TENM1: variants seen among roughly 807,000 people sequenced by gnomAD.
TENM1 encodes the protein teneurin transmembrane protein 1.
A neutral mutation model predicts 174.8 loss-of-function variants in TENM1; 35 were observed. That is an observed-to-expected ratio of 0.20 (90% CI 0.15 to 0.27). The LOEUF is 0.27. TENM1 is among the 10% of genes least tolerant of loss of function. TENM1 has a pLI of 1.00. For synonymous variants in TENM1, 781 were observed against 798.7 expected, an observed-to-expected ratio of 0.98 and a Z score of 0.37; for missense variants, 1,633 against 2,130.1, an observed-to-expected ratio of 0.77 and a Z score of 4.59.
chrX:125,081,830 G>GT, the TENM1 span, among the ~76,000 whole-genome samples: 6 of 111,154 alleles, frequency 5.4e-5, no homozygotes, highest in African/African-American at 2.0e-4. Context: ...ATGGAATCTT[G>GT]TTTTTTGCAG....
chrX:124,829,801 T>C (rs1176656839), intron 3 of TENM1, among the ~76,000 whole-genome samples: 1 of 112,411 alleles, frequency 8.9e-6, no homozygotes, highest in East Asian at 2.8e-4. Context: ...CTTAGGCTCT[T>C]AGTTGTATGT....
chrX:124,471,344 A>C lies in TENM1; in HGVS notation c.3949+10388T>G, dbSNP rs1399605262. On this transcript the variant is annotated intron_variant, in intron 22 of 31. Coordinates refer to ENST00000422452, the Ensembl canonical transcript of TENM1. ...ATTATAATATATAGTACTATATATA[A>C]TATATATTATAATATATAGTACTAT... 2.2e-4 allele frequency among the ~76,000 whole-genome samples: 2 copies of C among 9,168 alleles called. 1 individual carries two copies. Among genetic ancestry groups the C allele is most frequent in the Non-Finnish European group, 3.9e-4 (2 of 5,092 alleles). 8.0% of individuals were successfully genotyped at this position (9,168 alleles called of 115,157 possible).
chrX:124,940,053 A>G (rs966726877), intron 1 of TENM1, among the ~76,000 whole-genome samples: 1 of 112,246 alleles, frequency 8.9e-6, no homozygotes, highest in African/African-American at 3.2e-5. Flanking sequence ...AAACATTGTC[A>G]GAACACAAAA....
At chrX:124,809,847 AG>A (rs2055713470) in intron 3 of TENM1, among the ~76,000 whole-genome samples, 1 of 95,231 alleles carries the variant, frequency 1.1e-5, no homozygotes, top group African/African-American at 4.4e-5. Flanking sequence ...ACAGCAGGAG[AG>A]AGAGAGAGAG....
intron 3 of TENM1, among the ~76,000 whole-genome samples, chrX:124,810,171 C>T (rs781748905): frequency 1.8e-5 from 2 of 111,648 alleles, no homozygotes; most frequent in East Asian, 5.6e-4. Flanking sequence ...GGGATGCCCA[C>T]TCTCATCTCT....
chrX:125,178,700 T>G, the TENM1 span, among the ~76,000 whole-genome samples: 1 of 111,579 alleles, frequency 9.0e-6, no homozygotes, highest in Non-Finnish European at 1.9e-5. Context: ...AAGGGGAATT[T>G]TAAAATAAAC....
the TENM1 span, among the ~76,000 whole-genome samples, chrX:125,035,768 T>C: frequency 9.0e-6 from 1 of 111,463 alleles, no homozygotes; most frequent in South Asian, 3.7e-4. Context: ...TTTTCAGTTA[T>C]ACTTTACTGC....
intron 22 of TENM1, among the ~76,000 whole-genome samples, chrX:124,472,766 C>G (rs1426717903): frequency 9.0e-6 from 1 of 111,050 alleles, no homozygotes; most frequent in African/African-American, 3.3e-5. Context: ...GAAGTCAACA[C>G]ACTGTAGACT....
chrX:125,193,153 T>C, the TENM1 span, among the ~76,000 whole-genome samples: 1 of 111,119 alleles, frequency 9.0e-6, no homozygotes, highest in Non-Finnish European at 1.9e-5. Context: ...AGGCTCCTCT[T>C]ATTTCACTAA....
At chrX:125,008,165 T>TA in the TENM1 span, among the ~76,000 whole-genome samples, 2 of 109,185 alleles carry the variant, frequency 1.8e-5, no homozygotes, top group African/African-American at 6.7e-5. Context: ...CATATAGGCT[T>TA]AAAATAAAGG....
At chrX:124,802,074 A>AG (rs1299902302) in intron 3 of TENM1, among the ~76,000 whole-genome samples, 45 of 110,786 alleles carry the variant, frequency 4.1e-4, no homozygotes, top group Admixed American at 7.6e-4. Flanking sequence ...AGCTCAGTGG[A>AG]GTTTGTTATT....
At chrX:124,729,949 TC>T (rs2053527447) in intron 4 of TENM1, among the ~76,000 whole-genome samples, 1 of 110,197 alleles carries the variant, frequency 9.1e-6, no homozygotes, top group Non-Finnish European at 1.9e-5. Context: ...CTCTGAACCA[TC>T]CCCACTCCCC....
chrX:124,702,425 A>G (rs187165189), intron 5 of TENM1, among the ~76,000 whole-genome samples: 8 of 112,020 alleles, frequency 7.1e-5, no homozygotes, highest in African/African-American at 2.6e-4. Flanking sequence ...AACCCACTCA[A>G]GTTACTGTGC....
intron 3 of TENM1, among the ~76,000 whole-genome samples, chrX:124,856,310 T>C (rs781282677): frequency 9.0e-6 from 1 of 110,806 alleles, no homozygotes; most frequent in Non-Finnish European, 1.9e-5. Flanking sequence ...TCCTTTAAAA[T>C]ACAGAGGGAA....
the TENM1 span, among the ~76,000 whole-genome samples, chrX:125,199,808 C>T: frequency 9.0e-6 from 1 of 111,483 alleles, no homozygotes; most frequent in Non-Finnish European, 1.9e-5. Context: ...AATTTCTATA[C>T]AGAAATGTTA....
intron 1 of TENM1, among the ~76,000 whole-genome samples, chrX:124,920,363 T>C (rs2058000673): frequency 9.0e-6 from 1 of 111,267 alleles, no homozygotes; most frequent in Non-Finnish European, 1.9e-5. Flanking sequence ...TACTTAACTT[T>C]TTTTCATATT....
upstream of TENM1, among the ~76,000 whole-genome samples, chrX:124,968,785 T>G (rs1257439435): frequency 8.9e-6 from 1 of 111,922 alleles, no homozygotes; most frequent in African/African-American, 3.2e-5. Flanking sequence ...GTGCACACAA[T>G]TATGTGTGCC....
At chrX:124,931,889 ACACACACACGTACACG>A (rs1235347327) in intron 1 of TENM1, among the ~76,000 whole-genome samples, 1 of 110,613 alleles carries the variant, frequency 9.0e-6, no homozygotes, top group Non-Finnish European at 1.9e-5. Flanking sequence ...ACACACACAC[ACACACACACGTACACG>A]CACACACACC....
intron 8 of TENM1, among the ~76,000 whole-genome samples, chrX:124,651,209 T>G (rs778532892): frequency 6.6e-4 from 74 of 111,840 alleles, no homozygotes; most frequent in Non-Finnish European, 1.3e-3. Flanking sequence ...GAGCTCAGCT[T>G]TATTCACACA....
Sources: allele counts gnomAD v4.1 joint callset (sites outside exome capture counted in the v4.1 genomes callset), GRCh38; gene constraint gnomAD v4.1.1; transcripts MANE v1.5; gene names NCBI Gene and HGNC (gene_info 2026-07-23, HGNC 2026-07-21).